The following MTA3 variants were observed in gnomAD, a reference collection of about 807,000 sequenced individuals.
MTA3 encodes the protein metastasis-associated protein MTA3.
A neutral mutation model predicts 83.5 loss-of-function variants in MTA3; 34 were observed. The ratio of observed to expected loss-of-function variants is 0.41; its 90% confidence interval spans 0.31 to 0.54. MTA3 has a LOEUF of 0.54. Ranked by LOEUF, MTA3 falls within the 20% of genes least tolerant of loss-of-function variation. The pLI is 0.33. For missense variants in MTA3, 761 were observed against 726.4 expected (o/e 1.05, Z -0.55); for synonymous variants, 303 against 252.7 (o/e 1.20, Z -1.89).
chr2:42,742,014 C>T (rs1180422000), intron 16 of MTA3, among the ~76,000 whole-genome samples: 2 of 152,160 alleles, frequency 1.3e-5, no homozygotes, highest in African/African-American at 4.8e-5. Flanking sequence ...CTACATATTC[C>T]TGCACATGGG....
At chr2:42,561,466 G>A (rs1172803411) in intron 2 of MTA3, among the ~76,000 whole-genome samples, 1 of 152,050 alleles carries the variant, frequency 6.6e-6, no homozygotes, top group Non-Finnish European at 1.5e-5. Context: ...GGGATTACAG[G>A]TGCCTGCCAC....
chr2:42,633,734 A>G (rs1365788648), intron 4 of MTA3, among the ~76,000 whole-genome samples: 2 of 151,974 alleles, frequency 1.3e-5, no homozygotes, highest in Non-Finnish European at 2.9e-5. Flanking sequence ...TACTAAAAAT[A>G]CAAAAAAAAG....
At chr2:42,510,767 C>T (rs765819712) in intron 2 of MTA3, among the ~76,000 whole-genome samples, 2 of 152,110 alleles carry the variant, frequency 1.3e-5, no homozygotes, top group Non-Finnish European at 2.9e-5. Flanking sequence ...AAGCCTTGAG[C>T]CCAGACAGGA....
At chr2:42,704,117 G>A in intron 11 of MTA3, 77 bp from the exon 12 acceptor site, 5 of 1,436,436 alleles carry the variant, frequency 3.5e-6, no homozygotes, top group Non-Finnish European at 4.7e-6. Flanking sequence ...AATAGTGACG[G>A]TAAATCAGTA....
chr2:42,741,876 A>G (rs1315363751), intron 16 of MTA3, among the ~76,000 whole-genome samples: 3 of 152,216 alleles, frequency 2.0e-5, no homozygotes, highest in Admixed American at 2.0e-4. Context: ...ACGCAGAGAC[A>G]TTAGGTGAGC....
At chr2:42,564,618 A>G (rs1677825559), upstream of MTA3, among the ~76,000 whole-genome samples, 2 of 152,184 alleles carry the variant, frequency 1.3e-5, no homozygotes, top group Non-Finnish European at 2.9e-5. Flanking sequence ...GAAAGGAAAA[A>G]GAAGAGAGAA....
At chr2:42,494,665 C>T (rs554451050) in exon 1 of MTA3, 1 of 152,280 alleles carries the variant, frequency 6.6e-6, no homozygotes, top group Non-Finnish European at 1.5e-5. Context: ...AGGCGCCTAA[C>T]GTGTAGCGCG....
intron 2 of MTA3, among the ~76,000 whole-genome samples, chr2:42,512,723 C>G (rs1450894871): frequency 6.6e-6 from 1 of 152,154 alleles, no homozygotes; most frequent in Non-Finnish European, 1.5e-5. Context: ...TAGACCATGT[C>G]AAGGGATTAG....
intron 11 of MTA3, 156 bp from the exon 12 acceptor site, chr2:42,704,038 A>G (rs930927467): frequency 2.5e-6 from 2 of 811,168 alleles, no homozygotes; most frequent in Non-Finnish European, 3.8e-6. Flanking sequence ...GTGTGAGTTC[A>G]TTTAACACCT....
intron 3 of MTA3, among the ~76,000 whole-genome samples, chr2:42,603,153 C>T (rs574295260): frequency 2.7e-5 from 4 of 146,916 alleles, no homozygotes; most frequent in African/African-American, 1.0e-4. Context: ...AGGGAGAACA[C>T]AGGTCCTTGT....
At chr2:42,574,508 C>T (rs113339346) in intron 2 of MTA3, among the ~76,000 whole-genome samples, 6,369 of 152,196 alleles carry the variant, frequency 0.042, 186 homozygotes, top group Non-Finnish European at 0.066. Context: ...TAGATCCTGG[C>T]TCACTGCAAC....
At chr2:42,695,370 C>T (rs1173292659) in intron 9 of MTA3, among the ~76,000 whole-genome samples, 2 of 151,780 alleles carry the variant, frequency 1.3e-5, no homozygotes, top group Non-Finnish European at 1.5e-5. Context: ...TGTGACGGCT[C>T]GCACCTGTAA....
At chr2:42,616,678 A>G (rs901979197) in intron 4 of MTA3, among the ~76,000 whole-genome samples, 27 of 143,200 alleles carry the variant, frequency 1.9e-4, no homozygotes, top group African/African-American at 5.5e-4. Context: ...TCCCTGGCTG[A>G]GATGATGCTC....
At chr2:42,706,104 C>A (rs964820475) in intron 12 of MTA3, among the ~76,000 whole-genome samples, 2 of 151,998 alleles carry the variant, frequency 1.3e-5, no homozygotes, top group Non-Finnish European at 1.5e-5. Flanking sequence ...TGAAGGGGAA[C>A]ATCACATCTG....
chr2:42,509,311 G>A (rs749160175), intron 2 of MTA3, among the ~76,000 whole-genome samples: 16 of 152,108 alleles, frequency 1.1e-4, no homozygotes, highest in Admixed American at 2.6e-4. Flanking sequence ...CCAGAGTGCC[G>A]GGATTACAGG....
Position 42,704,300 on chromosome 2 carries a change from G to T in MTA3, c.1132G>T (p.Ala378Ser), listed in dbSNP as rs1665873910. Residue 378 changes from alanine to serine, a missense_variant, in exon 12 of 17, where the codon GCC becomes TCC. Coordinates refer to ENST00000405094, the MANE Select transcript of MTA3 (RefSeq NM_001330442.2). ...FQPQNPLLGRACESCYATQSH... is the reference protein window; with the variant it reads ...FQPQNPLLGRSCESCYATQSH... Reference sequence around the variant, plus strand: ...GCCTCAGAATCCTCTCTTAGGGAGAGCCTGTGAGAGCTGCTATGGTAAGTT... The same window carrying T: ...GCCTCAGAATCCTCTCTTAGGGAGATCCTGTGAGAGCTGCTATGGTAAGTT... 3 of 1,613,924 alleles carry T rather than the reference G, an allele frequency of 1.9e-6. No homozygotes were observed. The highest frequency in any genetic ancestry group is 2.5e-6 in the Non-Finnish European group (3 of 1,179,826).
intron 3 of MTA3, among the ~76,000 whole-genome samples, chr2:42,582,421 A>G (rs1188095749): frequency 1.3e-5 from 2 of 152,222 alleles, no homozygotes; most frequent in Non-Finnish European, 2.9e-5. Flanking sequence ...ACAAGTTTGC[A>G]TATATACTTT....
In MTA3 at chr2:42,708,065, C is replaced by CTT; in HGVS notation, c.1302+15_1302+16dup. 2 of 1,591,902 alleles carry CTT rather than the reference C, an allele frequency of 1.3e-6. No homozygotes were observed. The highest frequency in any genetic ancestry group is 1.7e-6 in the Non-Finnish European group (2 of 1,173,034). On this transcript the variant is annotated intron_variant, in intron 13 of 16. Coordinates refer to ENST00000405094, the MANE Select transcript of MTA3 (RefSeq NM_001330442.2). ...AGCCCAACTACAGAGGTACAGTAGT[C>CTT]TTTTTAGTGTTGAAAAATGGCATGT... is the stretch of plus-strand genomic sequence containing the variant.
intron 12 of MTA3, among the ~76,000 whole-genome samples, chr2:42,705,507 C>G (rs1277427773): frequency 6.6e-6 from 1 of 152,122 alleles, no homozygotes; most frequent in Non-Finnish European, 1.5e-5. Flanking sequence ...GAGTTCGAGA[C>G]CAGCCTGGCC....
Sources: gnomAD v4.1 joint callset for allele counts (sites outside exome capture counted in the v4.1 genomes callset) on GRCh38, gnomAD v4.1.1 for gene constraint, MANE v1.5 for transcripts, NCBI Gene and HGNC (gene_info 2026-07-23, HGNC 2026-07-21) for gene names.